The following ASAP2 variants were observed in gnomAD, a reference collection of about 807,000 sequenced individuals.
The protein encoded by ASAP2 is ArfGAP with SH3 domain, ankyrin repeat and PH domain 2, also known as arf-GAP with SH3 domain, ANK repeat and PH domain-containing protein 2.
ASAP2 carries 45 observed loss-of-function variants against 131.4 expected under a neutral mutation model. That is an observed-to-expected ratio of 0.34 (90% CI 0.27 to 0.44). ASAP2 has a LOEUF of 0.44. ASAP2 is among the 20% of genes least tolerant of loss of function. ASAP2 has a pLI of 1.00. For missense variants in ASAP2, 1,011 were observed against 1,297.0 expected (o/e 0.78, Z 3.39); for synonymous variants, 510 against 503.0 (o/e 1.01, Z -0.19).
chr2:9,287,637 G>A (rs1667550176), intron 2 of ASAP2, among the ~76,000 whole-genome samples: 1 of 152,188 alleles, frequency 6.6e-6, no homozygotes, highest in Admixed American at 6.5e-5. Flanking sequence ...AGCAGACTGA[G>A]CGGCGAGCTG....
intron 1 of ASAP2, among the ~76,000 whole-genome samples, chr2:9,275,262 G>A (rs1666688146): frequency 6.6e-6 from 1 of 152,046 alleles, no homozygotes; most frequent in Admixed American, 6.6e-5. Flanking sequence ...TGTAGAGACA[G>A]GGTGTCACTG....
intron 21 of ASAP2, among the ~76,000 whole-genome samples, chr2:9,387,370 A>C (rs1374473004): frequency 6.6e-6 from 1 of 152,234 alleles, no homozygotes; most frequent in Non-Finnish European, 1.5e-5. Flanking sequence ...AAGCAGCCTT[A>C]GACAGTATCT....
chr2:9,365,280 A>G (rs1027750428), intron 15 of ASAP2, among the ~76,000 whole-genome samples: 2 of 152,014 alleles, frequency 1.3e-5, no homozygotes, highest in Admixed American at 6.6e-5. Context: ...GCTGGACTGC[A>G]CTCTTCAGGC....
intron 5 of ASAP2, among the ~76,000 whole-genome samples, chr2:9,322,286 T>G (rs956894364): frequency 1.3e-5 from 2 of 152,198 alleles, no homozygotes; most frequent in African/African-American, 4.8e-5. Context: ...CTTGCCCTAA[T>G]GACAGGGAGC....
intron 1 of ASAP2, among the ~76,000 whole-genome samples, chr2:9,229,021 C>G (rs746017364): frequency 3.3e-5 from 5 of 152,082 alleles, no homozygotes; most frequent in Non-Finnish European, 5.9e-5. Context: ...CCACACCTGC[C>G]TTGTTACCAC....
At position 9,271,495 on chromosome 2, in the gene ASAP2, G is replaced by A. The variant is rs185616620; in HGVS notation, c.127-7822G>A. ...ATCATCAGCGATCCCTTGGACAGTA[G>A]TAAGGGCCTTCCTGCCGTTTCTCTG... is the stretch of plus-strand genomic sequence containing the variant. On this transcript the variant is annotated intron_variant, in intron 1 of 27. Coordinates refer to ENST00000281419, the MANE Select transcript of ASAP2 (RefSeq NM_003887.3). 85 of 1,422,340 alleles carry A rather than the reference G, an allele frequency of 6.0e-5. 2 individuals carry two copies. The East Asian group carries it at 1.9e-3, about 32-fold the overall frequency. 88.1% of individuals were successfully genotyped at this position (1,422,340 alleles called of 1,614,324 possible).
At chr2:9,271,234 TC>T in intron 1 of ASAP2, 1 of 678,494 alleles carries the variant, frequency 1.5e-6, no homozygotes, top group South Asian at 1.8e-5. Flanking sequence ...GAAGGGAAAT[TC>T]TACTCATTGC....
In ASAP2 at chr2:9,254,527, A is replaced by ATTTTTTTTT. The variant is rs546862626; in HGVS notation, c.127-24772_127-24764dup. Among the ~76,000 whole-genome samples the ATTTTTTTTT allele has an allele frequency of 1.4e-3, 38 of 28,008 alleles. 10 individuals are homozygous for ATTTTTTTTT. Among genetic ancestry groups the ATTTTTTTTT allele is most frequent in the African/African-American group, 3.9e-3 (30 of 7,782 alleles). 18.4% of individuals were successfully genotyped at this position (28,008 alleles called of 152,430 possible). A position where few individuals can be genotyped will look rare whatever the true frequency, so the allele number is the denominator to read the frequency against. On this transcript the variant is annotated intron_variant, in intron 1 of 27. Transcript: ENST00000281419. ...ACCACTACCCCCAGCTAATTTTTGG[A>ATTTTTTTTT]TTTTTTTTTTTTTTTTTTTTTTTTT...
At chr2:9,382,759 C>T (rs1178129530) in intron 20 of ASAP2, among the ~76,000 whole-genome samples, 1 of 152,202 alleles carries the variant, frequency 6.6e-6, no homozygotes, top group African/African-American at 2.4e-5. Context: ...TCACAACAAG[C>T]AATACAGAAG....
At position 9,323,197 on chromosome 2, in the gene ASAP2, A is replaced by G; in HGVS notation, c.547A>G (p.Ile183Val). ...TCGGACTGAAATAAGCGGAGCGGAAATTGCCGAAGAGATGGAAAAGGAGAG... is the reference window on the plus strand; with the variant it reads ...TCGGACTGAAATAAGCGGAGCGGAAGTTGCCGAAGAGATGGAAAAGGAGAG... ...MIRTEISGAE[I>V]AEEMEKERRF... Residue 183 changes from isoleucine to valine, a missense_variant, in exon 6 of 28, where the codon ATT becomes GTT. This residue lies in a region of ASAP2 where 359 missense variants were observed against 598.1 expected (regional missense o/e 0.60). Transcript: ENST00000281419. The G allele has an allele frequency of 6.2e-7, 1 of 1,614,242 alleles. No homozygotes were observed. The highest frequency in any genetic ancestry group is 2.2e-5 in the East Asian group (1 of 44,884).
At chr2:9,279,484 A>G in intron 2 of ASAP2, 95 bp downstream of exon 2, 1 of 1,125,102 alleles carries the variant, frequency 8.9e-7, no homozygotes, top group East Asian at 2.4e-5. Flanking sequence ...CAAATGAGCC[A>G]GCTAGACTCC....
At chr2:9,208,583 G>C (rs1661314148) in intron 1 of ASAP2, among the ~76,000 whole-genome samples, 1 of 152,040 alleles carries the variant, frequency 6.6e-6, no homozygotes. Flanking sequence ...ATATAACTTG[G>C]GTAGCCTTCC....
At chr2:9,215,706 CTGTT>C (rs1368821196) in intron 1 of ASAP2, among the ~76,000 whole-genome samples, 4 of 142,044 alleles carry the variant, frequency 2.8e-5, no homozygotes, top group South Asian at 4.4e-4. Flanking sequence ...TTTAACCACT[CTGTT>C]TGTTAAATAT....
intron 1 of ASAP2, among the ~76,000 whole-genome samples, chr2:9,246,105 C>T (rs1170610646): frequency 6.6e-6 from 1 of 152,138 alleles, no homozygotes; most frequent in Admixed American, 6.5e-5. Flanking sequence ...GGCTTTATCC[C>T]TGATCAGCTG....
chr2:9,305,956 TTGG>T (rs1173771085), intron 3 of ASAP2, among the ~76,000 whole-genome samples: 1 of 149,642 alleles, frequency 6.7e-6, no homozygotes, highest in Non-Finnish European at 1.5e-5. Flanking sequence ...GGTACAGATA[TTGG>T]TGGAGGGGCT....
intron 1 of ASAP2, among the ~76,000 whole-genome samples, chr2:9,230,687 G>A (rs1663095764): frequency 6.6e-6 from 1 of 152,174 alleles, no homozygotes; most frequent in South Asian, 2.1e-4. Context: ...ATCACAGCTG[G>A]GAGTAAGAGC....
chr2:9,395,347 C>T (rs1676032358), intron 24 of ASAP2, among the ~76,000 whole-genome samples: 1 of 151,992 alleles, frequency 6.6e-6, no homozygotes, highest in Non-Finnish European at 1.5e-5. Context: ...TGGTGGCATG[C>T]ACCTGTAATC....
chr2:9,317,168 TCA>T (rs1385914818), intron 3 of ASAP2, among the ~76,000 whole-genome samples: 1 of 100,600 alleles, frequency 9.9e-6, no homozygotes, highest in Admixed American at 9.1e-5. Context: ...ATCCACACTC[TCA>T]CCACACTCAA....
At chr2:9,383,776 G>A (rs7561296) in intron 20 of ASAP2, among the ~76,000 whole-genome samples, 24,603 of 152,102 alleles carry the variant, frequency 0.16, 5,967 homozygotes, top group African/African-American at 0.53. Flanking sequence ...ATGTCTGTCA[G>A]TGATAGACTG....
Sources: allele counts gnomAD v4.1 joint callset (sites outside exome capture counted in the v4.1 genomes callset), GRCh38; gene constraint gnomAD v4.1.1; regional missense constraint gnomAD v4.1.1; transcripts MANE v1.5; gene names NCBI Gene and HGNC (gene_info 2026-07-23, HGNC 2026-07-21).